ADAMTSL1: variants seen among roughly 807,000 people sequenced by gnomAD.
The protein encoded by ADAMTSL1 is ADAMTS-like protein 1.
In ADAMTSL1, 126 loss-of-function variants were observed where a neutral mutation model predicts 201.8. The ratio of observed to expected loss-of-function variants is 0.62; its 90% CI spans 0.54 to 0.72. ADAMTSL1 has a LOEUF of 0.72. Ranked by LOEUF, ADAMTSL1 falls within the 30% of genes least tolerant of loss-of-function variation. The probability of loss-of-function intolerance (pLI) is 0.00; values close to 1 mark genes in which losing one functional copy is unlikely to be tolerated. For missense variants in ADAMTSL1, 2,679 were observed against 2,277.8 expected, an observed-to-expected ratio of 1.18 and a Z score of -3.59; for synonymous variants, 1,121 against 903.4, an observed-to-expected ratio of 1.24 and a Z score of -4.32.
intron 17 of ADAMTSL1, among the ~76,000 whole-genome samples, chr9:18,773,405 A>T (rs546273286): frequency 6.6e-6 from 1 of 152,282 alleles, no homozygotes; most frequent in East Asian, 1.9e-4. Flanking sequence ...CCCAAAAAAA[A>T]TTCTAAAAGA....
chr9:18,782,306 C>T (rs1821440656), intron 19 of ADAMTSL1, among the ~76,000 whole-genome samples: 2 of 152,224 alleles, frequency 1.3e-5, no homozygotes, highest in Non-Finnish European at 1.5e-5. Context: ...AGGTATACAT[C>T]GACTTGCTGG....
intron 4 of ADAMTSL1, among the ~76,000 whole-genome samples, chr9:18,579,699 C>T (rs1163618549): frequency 6.6e-6 from 1 of 152,096 alleles, no homozygotes; most frequent in Non-Finnish European, 1.5e-5. Flanking sequence ...TTTCCTATTG[C>T]AGTCATCTTT....
chr9:18,270,962 G>A (rs1832336956), intron 2 of ADAMTSL1, among the ~76,000 whole-genome samples: 1 of 152,194 alleles, frequency 6.6e-6, no homozygotes. Flanking sequence ...ACCACAAGAT[G>A]GAAGGGGCCT....
chr9:18,070,750 G>A (rs1265121750), intron 1 of ADAMTSL1, among the ~76,000 whole-genome samples: 1 of 152,110 alleles, frequency 6.6e-6, no homozygotes. Flanking sequence ...TGTAAAGAGC[G>A]GGGCTAGATA....
intron 2 of ADAMTSL1, among the ~76,000 whole-genome samples, chr9:18,248,714 G>C (rs192095628): frequency 5.9e-5 from 9 of 152,138 alleles, no homozygotes; most frequent in African/African-American, 2.2e-4. Context: ...ATTGCGGGGG[G>C]CCATAACCCT....
intron 1 of ADAMTSL1, among the ~76,000 whole-genome samples, chr9:18,066,856 A>G (rs1243614800): frequency 6.6e-6 from 1 of 152,220 alleles, no homozygotes; most frequent in African/African-American, 2.4e-5. Context: ...ATGAAAGTGG[A>G]AATCATCATT....
chr9:17,992,579 A>T (rs1386035676), intron 1 of ADAMTSL1, among the ~76,000 whole-genome samples: 1 of 152,058 alleles, frequency 6.6e-6, no homozygotes, highest in Non-Finnish European at 1.5e-5. Context: ...TGAGGCTAGG[A>T]GTTCAAGACC....
chr9:17,939,408 G>T (rs184913101), intron 1 of ADAMTSL1, among the ~76,000 whole-genome samples: 1 of 151,358 alleles, frequency 6.6e-6, no homozygotes, highest in African/African-American at 2.4e-5. Flanking sequence ...TTTGGGTCAT[G>T]AATTATGTTT....
rs530417591 is a variant in ADAMTSL1 at position 18,443,494 on chromosome 9, T to C, written c.208-61335T>C. Among the ~76,000 whole-genome samples, 12 of 152,354 alleles carry C rather than the reference T, an allele frequency of 7.9e-5. No homozygotes were observed. In the South Asian group the frequency reaches 2.5e-3, roughly 32 times the overall value. The stretch of plus-strand genomic sequence containing the variant: ...TAGTGAGGTATTCTTCTCAGGGTTT[T>C]ATCTTTTGCTCTTTAGTAAGCCATG... On this transcript the variant is annotated intron_variant, in intron 2 of 29. Coordinates refer to the ADAMTSL1 transcript ENST00000680146.
chr9:18,090,174 T>C (rs1823947442), intron 1 of ADAMTSL1, among the ~76,000 whole-genome samples: 1 of 152,132 alleles, frequency 6.6e-6, no homozygotes, highest in Admixed American at 6.6e-5. Context: ...GCAGCTCCCT[T>C]ACAAATAAAA....
intron 10 of ADAMTSL1, 103 bp from the exon 11 acceptor site, chr9:18,680,209 A>C: frequency 1.6e-6 from 2 of 1,215,124 alleles, no homozygotes; most frequent in Non-Finnish European, 2.3e-6. Context: ...GCCTCTCAGA[A>C]CCTGATTATA....
At chr9:17,921,760 G>A (rs1826311202) in intron 1 of ADAMTSL1, among the ~76,000 whole-genome samples, 2 of 152,246 alleles carry the variant, frequency 1.3e-5, no homozygotes, top group East Asian at 1.9e-4. Flanking sequence ...AAGTACAAAT[G>A]TCAGAATTTT....
At chr9:18,877,616 C>G (rs569382400) in intron 23 of ADAMTSL1, among the ~76,000 whole-genome samples, 1 of 152,278 alleles carries the variant, frequency 6.6e-6, no homozygotes, top group African/African-American at 2.4e-5. Context: ...ATACCAGTAC[C>G]TGCTCTGGTG....
chr9:18,254,893 C>T (rs892149295), intron 2 of ADAMTSL1, among the ~76,000 whole-genome samples: 1 of 151,988 alleles, frequency 6.6e-6, no homozygotes, highest in Non-Finnish European at 1.5e-5. Context: ...TTATCTAGAG[C>T]AAGAATTAAA....
chr9:18,313,521 A>T lies in ADAMTSL1; in HGVS notation c.207+149540A>T, dbSNP rs1218585433. 1.3e-5 allele frequency among the ~76,000 whole-genome samples: 2 copies of T among 152,220 alleles called. 1 individual carries two copies. Among genetic ancestry groups the T allele is most frequent in the African/African-American group, 4.8e-5 (2 of 41,472 alleles). ...TCCAGAGATTTTGATTCAGTTGGTC[A>T]AATGAAGCCTGGCATCTGTCTCTTT... On this transcript the variant is annotated intron_variant, in intron 2 of 29. Transcript: ENST00000680146.
intron 2 of ADAMTSL1, among the ~76,000 whole-genome samples, chr9:18,507,578 A>G (rs1817751750): frequency 6.6e-6 from 1 of 152,140 alleles, no homozygotes; most frequent in African/African-American, 2.4e-5. Context: ...TTTTATGGCA[A>G]TTACACACTT....
intron 2 of ADAMTSL1, among the ~76,000 whole-genome samples, chr9:18,527,909 G>T (rs550392955): frequency 1.3e-5 from 2 of 152,186 alleles, no homozygotes; most frequent in African/African-American, 4.8e-5. Flanking sequence ...ATGGAGTCTT[G>T]CTCTGTCGCC....
At chr9:18,775,699 AGTTC>A in intron 17 of ADAMTSL1, 40 bp from the exon 18 acceptor site, 1 of 1,596,764 alleles carries the variant, frequency 6.3e-7, no homozygotes, top group African/African-American at 1.3e-5. Flanking sequence ...ATTAGCTTCT[AGTTC>A]CCAGAATTTA....
At chr9:18,265,257 G>A (rs950224842) in intron 2 of ADAMTSL1, among the ~76,000 whole-genome samples, 7 of 150,708 alleles carry the variant, frequency 4.6e-5, no homozygotes, top group African/African-American at 9.8e-5. Flanking sequence ...TCTTCTTCCC[G>A]GATACTCTTC....
Sources: gnomAD v4.1 joint callset for allele counts (sites outside exome capture counted in the v4.1 genomes callset) on GRCh38, gnomAD v4.1.1 for gene constraint, MANE v1.5 for transcripts, NCBI Gene and HGNC (gene_info 2026-07-23, HGNC 2026-07-21) for gene names.